CELF4: variants seen among roughly 807,000 people sequenced by gnomAD.
CELF4 encodes CUG-BP- and ETR-3-like factor 4.
A neutral mutation model predicts 59.9 loss-of-function variants in CELF4; 18 were observed. That is an observed-to-expected ratio of 0.30 (90% CI 0.21 to 0.45). The LOEUF (loss-of-function observed/expected upper bound fraction) is 0.45, where lower values mean the gene tolerates loss of function less well. Among genes scored for constraint, CELF4 ranks in the 20% least tolerant of loss-of-function variants. The pLI is 1.00. For synonymous variants in CELF4, 261 were observed against 267.1 expected, an observed-to-expected ratio of 0.98 and a Z score of 0.22; for missense variants, 456 against 689.0, an observed-to-expected ratio of 0.66 and a Z score of 3.79.
At chr18:37,415,024 A>G (rs1204872445) in intron 2 of CELF4, among the ~76,000 whole-genome samples, 1 of 152,242 alleles carries the variant, frequency 6.6e-6, no homozygotes, top group Non-Finnish European at 1.5e-5. Flanking sequence ...CTACTAGGGA[A>G]GATGGTATGT....
intron 2 of CELF4, among the ~76,000 whole-genome samples, chr18:37,443,424 C>A (rs1020082065): frequency 1.3e-5 from 2 of 152,154 alleles, no homozygotes; most frequent in African/African-American, 4.8e-5. Flanking sequence ...CATAAAGGCC[C>A]TGGGCTGGCA....
At chr18:37,361,672 C>T (rs1244350475) in intron 2 of CELF4, among the ~76,000 whole-genome samples, 1 of 151,878 alleles carries the variant, frequency 6.6e-6, no homozygotes, top group African/African-American at 2.4e-5. Context: ...CTGCAGCTCC[C>T]TTCAGCTTTA....
chr18:37,374,102 G>A (rs1295163336), intron 2 of CELF4, among the ~76,000 whole-genome samples: 3 of 152,126 alleles, frequency 2.0e-5, no homozygotes, highest in Non-Finnish European at 2.9e-5. Context: ...CTACCCCACC[G>A]CCCAGCCACT....
rs1287393095 is a variant in CELF4, at chr18:37,246,637, GA to G, written c.*45-1441del. 2.0e-5 allele frequency among the ~76,000 whole-genome samples: 3 copies of G among 151,638 alleles called. No homozygotes were observed. Among genetic ancestry groups the G allele is most frequent in the Non-Finnish European group, 4.4e-5 (3 of 67,972 alleles). Reference sequence around the variant, plus strand: ...AGTGAGATTGAAAATAGCCTAACTGGAAAAAGACCAGACCTAGGAAAGTGTC... The same window carrying G: ...AGTGAGATTGAAAATAGCCTAACTGGAAAAGACCAGACCTAGGAAAGTGTC... On this transcript the variant is annotated intron_variant, in intron 12 of 12. Coordinates refer to ENST00000420428, the MANE Select transcript of CELF4 (RefSeq NM_020180.4). The surrounding 1 kb of genome is among the most constrained non-coding windows in gnomAD (Gnocchi z 5.3).
At chr18:37,422,813 A>G (rs913849867) in intron 2 of CELF4, among the ~76,000 whole-genome samples, 1 of 152,140 alleles carries the variant, frequency 6.6e-6, no homozygotes, top group African/African-American at 2.4e-5. Flanking sequence ...CCCACTCCTG[A>G]TTTCTCAATG....
At chr18:37,522,383 C>G (rs765881205) in intron 1 of CELF4, among the ~76,000 whole-genome samples, 1 of 152,112 alleles carries the variant, frequency 6.6e-6, no homozygotes, top group Non-Finnish European at 1.5e-5. Context: ...CGGCCCCCAG[C>G]CCAGGACCCA....
chr18:37,551,303 G>A (rs1451903237), intron 1 of CELF4, among the ~76,000 whole-genome samples: 2 of 152,176 alleles, frequency 1.3e-5, no homozygotes, highest in East Asian at 3.9e-4. Flanking sequence ...CAGCCCCAAA[G>A]GCCACCTCAG....
intron 2 of CELF4, among the ~76,000 whole-genome samples, chr18:37,429,953 T>C (rs1432559453): frequency 1.3e-5 from 2 of 152,190 alleles, no homozygotes; most frequent in Admixed American, 6.5e-5. Context: ...AGCTCCAATC[T>C]GTCTCCTGAC....
At chr18:37,511,981 C>T (rs1318956346) in intron 1 of CELF4, among the ~76,000 whole-genome samples, 2 of 151,886 alleles carry the variant, frequency 1.3e-5, no homozygotes, top group Non-Finnish European at 2.9e-5. Flanking sequence ...GACTGCAGTT[C>T]ATCAGGCCCA....
chr18:37,399,646 T>C (rs2099298795), intron 2 of CELF4, among the ~76,000 whole-genome samples: 1 of 152,146 alleles, frequency 6.6e-6, no homozygotes, highest in Non-Finnish European at 1.5e-5. Context: ...CCACCAGTTG[T>C]CCACTAACCA....
chr18:37,491,278 G>T (rs1029945302), intron 1 of CELF4, among the ~76,000 whole-genome samples: 1 of 149,574 alleles, frequency 6.7e-6, no homozygotes, highest in Non-Finnish European at 1.5e-5. Flanking sequence ...TGAGAGGGAC[G>T]CCGTGCCCAC....
At chr18:37,258,873 C>G (rs1038920171) in intron 11 of CELF4, among the ~76,000 whole-genome samples, 2 of 152,122 alleles carry the variant, frequency 1.3e-5, no homozygotes, top group Admixed American at 6.5e-5. Flanking sequence ...TGGAATTTGT[C>G]TGGAAGAGGA....
chr18:37,381,857 G>A (rs1159259127), intron 2 of CELF4, among the ~76,000 whole-genome samples: 3 of 152,152 alleles, frequency 2.0e-5, no homozygotes, highest in African/African-American at 7.2e-5. Context: ...CACCCTGAGT[G>A]CTTTACCACT....
chr18:37,522,293 C>T (rs1233398546), intron 1 of CELF4, among the ~76,000 whole-genome samples: 1 of 152,144 alleles, frequency 6.6e-6, no homozygotes, highest in Non-Finnish European at 1.5e-5. Context: ...AGCATAGTGA[C>T]CATGGTGAAT....
intron 2 of CELF4, among the ~76,000 whole-genome samples, chr18:37,466,852 G>A (rs1180108310): frequency 3.3e-5 from 5 of 152,176 alleles, no homozygotes; most frequent in African/African-American, 9.7e-5. Context: ...AGTTTGGAAT[G>A]CTGGCCAAGG....
intron 1 of CELF4, among the ~76,000 whole-genome samples, chr18:37,540,532 T>C (rs936121484): frequency 6.6e-6 from 1 of 152,006 alleles, no homozygotes; most frequent in African/African-American, 2.4e-5. Context: ...TCGGGATATG[T>C]GGGCCACAAG....
At chr18:37,328,475 A>G (rs1393001321) in intron 2 of CELF4, among the ~76,000 whole-genome samples, 3 of 152,176 alleles carry the variant, frequency 2.0e-5, no homozygotes, top group Admixed American at 2.0e-4. Flanking sequence ...GAGCCTGAAG[A>G]TACCTGGCTC....
intron 2 of CELF4, among the ~76,000 whole-genome samples, chr18:37,417,468 C>T (rs2099538483): frequency 6.6e-6 from 1 of 152,244 alleles, no homozygotes; most frequent in Non-Finnish European, 1.5e-5. Flanking sequence ...TCCTTCCCCA[C>T]ATCTTCTCAG....
At position 37,268,160 on chromosome 18, in the gene CELF4, G is replaced by A. The variant is rs540342106; in HGVS notation, c.1100-1562C>T. ...CCCAGGAGCAGGATGCGGCAGGGGA[G>A]TCAGACCCACGGGGGCTCTGCTCAG... On this transcript the variant is annotated intron_variant, in intron 8 of 12. Coordinates refer to ENST00000420428, the MANE Select transcript of CELF4 (RefSeq NM_020180.4). Among the ~76,000 whole-genome samples the A allele has an allele frequency of 1.0e-3, 152 of 152,264 alleles. No individual in the cohort carries two copies. In the Middle Eastern group the frequency reaches 0.017, roughly 17 times the overall value.
Sources: allele counts gnomAD v4.1 joint callset (sites outside exome capture counted in the v4.1 genomes callset), GRCh38; gene constraint gnomAD v4.1.1; non-coding constraint Gnocchi (gnomAD v3.1); transcripts MANE v1.5; gene names NCBI Gene and HGNC (gene_info 2026-07-23, HGNC 2026-07-21).